The following GFRA2 variants were observed in gnomAD, a reference collection of about 807,000 sequenced individuals.
GFRA2 encodes the protein GDNF family receptor alpha-2.
In GFRA2, 17 loss-of-function variants were observed where a neutral mutation model predicts 48.3. The observed-to-expected ratio is 0.35, with a 90% CI of 0.24 to 0.53. The LOEUF is 0.53. Ranked by LOEUF, GFRA2 falls within the 20% of genes least tolerant of loss-of-function variation. GFRA2 has a pLI of 0.93. For synonymous variants in GFRA2, 305 were observed against 257.2 expected (o/e 1.19, Z -1.78); for missense variants, 660 against 637.3 (o/e 1.04, Z -0.38).
chr8:21,790,219 C>G (rs1807529354), upstream of GFRA2: 1 of 320,780 alleles, frequency 3.1e-6, no homozygotes, highest in South Asian at 1.2e-4. Context: ...CGCGAGGGCT[C>G]ACACCCACGC....
intron 4 of GFRA2, among the ~76,000 whole-genome samples, chr8:21,730,578 G>A (rs1338308478): frequency 3.9e-5 from 6 of 152,130 alleles, no homozygotes; most frequent in Admixed American, 3.9e-4. Context: ...TTTTCCCAGT[G>A]GCTCCTCATT....
In GFRA2 at chr8:21,691,042, G is replaced by A. The variant is rs557712758; in HGVS notation, c.*2236C>T. The stretch of plus-strand genomic sequence containing the variant: ...AAGGCAATACACCACAGTGATAAAC[G>A]CTGTGAACGGATGCTGCTCACACAT... On this transcript the variant is annotated 3_prime_UTR_variant, in exon 9 of 9. Coordinates refer to ENST00000524240, the MANE Select transcript of GFRA2 (RefSeq NM_001495.5). 8.5e-5 allele frequency: 13 copies of A among 152,244 alleles called. No individual in the cohort carries two copies. Among genetic ancestry groups the A allele is most frequent in the African/African-American group, 2.2e-4 (9 of 41,532 alleles). The allele number at this position is 152,244 out of a possible 1,614,324, so 9.4% of individuals were successfully genotyped here.
At position 21,797,733 on chromosome 8, in the gene GFRA2, G is replaced by A. The variant is rs956110396; in HGVS notation, c.-36+7284C>T. 503 of 152,154 alleles carry A rather than the reference G, an allele frequency of 3.3e-3. 4 individuals are homozygous for A. Among genetic ancestry groups the A allele is most frequent in the African/African-American group, 0.011 (477 of 41,518 alleles). 9.4% of individuals were successfully genotyped at this position (152,154 alleles called of 1,614,324 possible). The stretch of plus-strand genomic sequence containing the variant: ...TAATTTTTGTATCTTTTGTAGAGAC[G>A]GGGTTTCACCATGTTGCCCAGGCTG... On this transcript the variant is annotated intron_variant, in intron 2 of 10. Coordinates refer to the GFRA2 transcript ENST00000517328.
chr8:21,735,809 G>C (rs1261930680), intron 4 of GFRA2, among the ~76,000 whole-genome samples: 1 of 151,796 alleles, frequency 6.6e-6, no homozygotes, highest in Non-Finnish European at 1.5e-5. Flanking sequence ...CGGGACTACG[G>C]GCCCATGCCA....
upstream of GFRA2, chr8:21,790,096 A>C: frequency 2.0e-6 from 2 of 985,318 alleles, no homozygotes; most frequent in Middle Eastern, 5.2e-4. Context: ...CAGAATTTAC[A>C]ATAAACGCCC....
chr8:21,758,856 G>A (rs1689938025), intron 3 of GFRA2, among the ~76,000 whole-genome samples: 1 of 151,950 alleles, frequency 6.6e-6, no homozygotes, highest in Non-Finnish European at 1.5e-5. Context: ...CTGGTACTGT[G>A]CAAACTCAAC....
rs201138559 is a variant in GFRA2, at chr8:21,702,840, C to T, written c.1183G>A (p.Gly395Arg). 2.5e-4 allele frequency: 397 copies of T among 1,609,856 alleles called. No homozygotes were observed. In the African/African-American group the frequency reaches 5.0e-3, roughly 20 times the overall value. ...PDDLSDSTSL[G>R]TSVITTCTSV... ...GTGCAGGTGGTGATGACACTGGTCC[C>T]CAAGCTGGTACTGTCACTGAGGTCA... Residue 395 changes from glycine (G) to arginine (R), a missense_variant, in exon 7 of 9, where the codon GGG becomes AGG. Coordinates refer to ENST00000524240, the MANE Select transcript of GFRA2 (RefSeq NM_001495.5).
chr8:21,699,892 G>A (rs1802386334), intron 7 of GFRA2, among the ~76,000 whole-genome samples: 1 of 152,228 alleles, frequency 6.6e-6, no homozygotes, highest in Non-Finnish European at 1.5e-5. Context: ...TACGCAGGGT[G>A]ACGCAGGAGG....
chr8:21,771,393 T>G (rs2117692571), intron 3 of GFRA2, among the ~76,000 whole-genome samples: 1 of 152,328 alleles, frequency 6.6e-6, no homozygotes, highest in African/African-American at 2.4e-5. Context: ...GAAGGATATG[T>G]GGACACGTCC....
chr8:21,801,619 A>G (rs1004741531), intron 2 of GFRA2, among the ~76,000 whole-genome samples: 222 of 138,224 alleles, frequency 1.6e-3, no homozygotes, highest in Non-Finnish European at 2.7e-3. Flanking sequence ...CCTTGGTTCA[A>G]TGGAACAAGG....
chr8:21,812,307 T>A (rs1338547529), exon 1 of GFRA2: 1 of 152,292 alleles, frequency 6.6e-6, no homozygotes, highest in Non-Finnish European at 1.5e-5. Context: ...CCGTTCCAAC[T>A]CCAGATCCAT....
chr8:21,734,547 A>T (rs1804355883), intron 4 of GFRA2, among the ~76,000 whole-genome samples: 1 of 152,184 alleles, frequency 6.6e-6, no homozygotes, highest in Non-Finnish European at 1.5e-5. Flanking sequence ...GATTCTGTCC[A>T]TTCTTTTTCA....
At chr8:21,772,726 T>C (rs1269115332) in intron 3 of GFRA2, among the ~76,000 whole-genome samples, 2 of 152,182 alleles carry the variant, frequency 1.3e-5, no homozygotes, top group African/African-American at 4.8e-5. Context: ...AGGGGGCTGA[T>C]TCGGTGAGCT....
intron 2 of GFRA2, among the ~76,000 whole-genome samples, chr8:21,800,202 A>G (rs2117112505): frequency 6.6e-6 from 1 of 152,330 alleles, no homozygotes; most frequent in Admixed American, 6.5e-5. Flanking sequence ...CCATTTTTGC[A>G]ATCAATCTCA....
At chr8:21,775,334 C>G (rs757014725) in intron 2 of GFRA2, among the ~76,000 whole-genome samples, 5 of 152,226 alleles carry the variant, frequency 3.3e-5, no homozygotes, top group Non-Finnish European at 7.3e-5. Flanking sequence ...TCGTGACCAC[C>G]CTGCATGGCC....
intron 3 of GFRA2, among the ~76,000 whole-genome samples, chr8:21,765,580 A>G (rs1456456937): frequency 1.3e-5 from 2 of 151,766 alleles, no homozygotes; most frequent in Non-Finnish European, 2.9e-5. Context: ...CCATGACCTC[A>G]TGGTTCCGTG....
At chr8:21,791,122 A>C (rs1214442583), upstream of GFRA2, among the ~76,000 whole-genome samples, 1 of 152,152 alleles carries the variant, frequency 6.6e-6, no homozygotes, top group Non-Finnish European at 1.5e-5. Flanking sequence ...CACAAAAAAG[A>C]ATTTCACTTT....
intron 4 of GFRA2, among the ~76,000 whole-genome samples, chr8:21,731,173 G>C (rs1294228910): frequency 6.6e-6 from 1 of 152,182 alleles, no homozygotes; most frequent in African/African-American, 2.4e-5. Flanking sequence ...TGGCGAGGTA[G>C]TGACAGCTTT....
intron 4 of GFRA2, among the ~76,000 whole-genome samples, chr8:21,737,092 C>G (rs1804505716): frequency 6.6e-6 from 1 of 152,122 alleles, no homozygotes; most frequent in African/African-American, 2.4e-5. Flanking sequence ...AGCCTCTGCC[C>G]CTCTGAGAGT....
Sources: gnomAD v4.1 joint callset for allele counts (sites outside exome capture counted in the v4.1 genomes callset) on GRCh38, gnomAD v4.1.1 for gene constraint, MANE v1.5 for transcripts, NCBI Gene and HGNC (gene_info 2026-07-23, HGNC 2026-07-21) for gene names.